Variants in ECE1 observed in about 807,000 individuals in gnomAD.
ECE1 encodes endothelin-converting enzyme 1.
In ECE1, 35 loss-of-function variants were observed where a neutral mutation model predicts 98.6. The ratio of observed to expected loss-of-function variants is 0.35; its 90% CI spans 0.27 to 0.47. ECE1 has a LOEUF of 0.47. Among genes scored for constraint, ECE1 ranks in the 20% least tolerant of loss-of-function variants. The probability of loss-of-function intolerance (pLI) is 1.00; values close to 1 mark genes in which losing one functional copy is unlikely to be tolerated. For synonymous variants in ECE1, 394 were observed against 407.1 expected (o/e 0.97, Z 0.39); for missense variants, 814 against 1,025.3 (o/e 0.79, Z 2.81).
At chr1:21,252,410 T>C (rs1352489694) in intron 8 of ECE1, among the ~76,000 whole-genome samples, 4 of 152,228 alleles carry the variant, frequency 2.6e-5, no homozygotes, top group Non-Finnish European at 5.9e-5. Flanking sequence ...AGCTCCATTT[T>C]CCACACCTGC....
intron 2 of ECE1, among the ~76,000 whole-genome samples, chr1:21,284,055 G>A (rs934090752): frequency 6.6e-6 from 1 of 152,188 alleles, no homozygotes; most frequent in African/African-American, 2.4e-5. Flanking sequence ...TGGGTGCAAT[G>A]GAAAGGGCTG....
intron 7 of ECE1, 21 bp from the exon 8 acceptor site, chr1:21,256,159 A>G: frequency 6.3e-7 from 1 of 1,588,132 alleles, no homozygotes; most frequent in Non-Finnish European, 8.6e-7. Context: ...CATACCCCAA[A>G]CTGTCAGTGG....
Position 21,255,950 on chromosome 1 carries a change from C to T in ECE1, c.1017G>A (p.Leu339=), listed in dbSNP as rs1207579740. Residue 339 remains leucine (L), a synonymous_variant, in exon 8 of 19, where the codon CTG becomes CTA. Transcript: ENST00000374893. ...TAGCAGCCGGCGCTCAAGTTACCTG[C>T]AGCTCGGCTGCCGTCACTTTGTGGT... ...LIYHKVTAAE[L]QTLAPAINWL... The T allele has an allele frequency of 1.2e-6, 2 of 1,614,052 alleles. No individual in the cohort carries two copies. The highest frequency in any genetic ancestry group is 2.7e-5 in the African/African-American group (2 of 75,068).
At chr1:21,254,538 T>C (rs1050306215) in intron 8 of ECE1, among the ~76,000 whole-genome samples, 1 of 152,148 alleles carries the variant, frequency 6.6e-6, no homozygotes, top group Non-Finnish European at 1.5e-5. Context: ...CTGGTGGCCA[T>C]GCTGGGCTGA....
chr1:21,283,402 C>G (rs1204966229), intron 2 of ECE1, among the ~76,000 whole-genome samples: 2 of 151,980 alleles, frequency 1.3e-5, no homozygotes, highest in African/African-American at 2.4e-5. Context: ...TCCCGAGTAG[C>G]TGGGATTACA....
rs529404345 is a variant in ECE1, at chr1:21,245,291, G to C, written c.1164-188C>G. 9.8e-5 allele frequency among the ~76,000 whole-genome samples: 15 copies of C among 152,322 alleles called. 1 individual carries two copies. The South Asian group carries it at 3.1e-3, about 32-fold the overall frequency. On this transcript the variant is annotated intron_variant, in intron 9 of 18. Coordinates refer to ENST00000374893, the MANE Select transcript of ECE1 (RefSeq NM_001397.3). ...TGTAAGCTCTTCAAGGGAAAAGCCTGGGTCTTCTACCATAGGAAACGCTTC... is the reference window on the plus strand; with the variant it reads ...TGTAAGCTCTTCAAGGGAAAAGCCTCGGTCTTCTACCATAGGAAACGCTTC...
chr1:21,268,216 T>C (rs2098236315), intron 4 of ECE1, among the ~76,000 whole-genome samples: 1 of 152,122 alleles, frequency 6.6e-6, no homozygotes, highest in African/African-American at 2.4e-5. Flanking sequence ...GGTAGAATAA[T>C]CTGAGCTACA....
Position 21,290,405 on chromosome 1 carries a change from C to T in ECE1, c.10G>A (p.Val4Met), listed in dbSNP as rs1282231771. The part of the protein sequence containing the change: MRG[V>M]WPPPVSALLS... ...AGGGCGGACACCGGGGGCGGCCACA[C>T]GCCCCGCATGCTGTGCCCCAGACGC... The change falls in exon 1 of 19, where the codon GTG (valine) becomes ATG (methionine). Residue 4 changes from valine (V) to methionine (M), a missense_variant. This residue lies in a region of ECE1 where 257 missense variants were observed against 278.9 expected (regional missense o/e 0.92). Transcript: ENST00000374893. This position sits in a 1 kb window ranked among gnomAD's most constrained non-coding sequence, Gnocchi z 7.3. The T allele has an allele frequency of 4.0e-6, 5 of 1,238,222 alleles. No homozygotes were observed. The highest frequency in any genetic ancestry group is 1.6e-5 in the African/African-American group (1 of 64,202). 76.7% of individuals were successfully genotyped at this position (1,238,222 alleles called of 1,614,324 possible). A position where few individuals can be genotyped will look rare whatever the true frequency, so the allele number is the denominator to read the frequency against.
Position 21,220,008 on chromosome 1 carries a change from G to A in ECE1, c.2260C>T (p.Arg754Cys), listed in dbSNP as rs3026906. 584 of 1,614,104 alleles carry A rather than the reference G, an allele frequency of 3.6e-4. No homozygotes were observed. Among genetic ancestry groups the A allele is most frequent in the Admixed American group, 8.2e-4 (49 of 60,000 alleles). The stretch of plus-strand genomic sequence containing the variant: ...TTCATGGGTGAGCCAGGTGGGCAGC[G>A]GAAGTGTTCTGAGAACTCCTTGGAA... ...SNSKEFSEHFRCPPGSPMNPP... is the reference protein window; with the variant it reads ...SNSKEFSEHFCCPPGSPMNPP... Residue 754 changes from arginine to cysteine, a missense_variant, in exon 19 of 19, where the codon CGC (arginine) becomes TGC (cysteine). Around this residue, in one of 3 missense-constraint regions of ECE1, gnomAD observed 452 missense variants for 567.3 expected, o/e 0.80. Transcript: ENST00000374893. This position sits in a 1 kb window ranked among gnomAD's most constrained non-coding sequence, Gnocchi z 5.0.
At chr1:21,324,443 C>T (rs982661654) in intron 1 of ECE1, among the ~76,000 whole-genome samples, 9 of 152,224 alleles carry the variant, frequency 5.9e-5, no homozygotes, top group South Asian at 2.1e-4. Context: ...GAGACTCCAA[C>T]GGCTGCCACA....
chr1:21,250,112 C>T (rs1197457393), intron 8 of ECE1, among the ~76,000 whole-genome samples: 1 of 151,992 alleles, frequency 6.6e-6, no homozygotes, highest in Admixed American at 6.6e-5. Context: ...TGAGACTCTA[C>T]CCATCAGGCA....
chr1:21,323,819 CTTT>C (rs34050500), intron 1 of ECE1, among the ~76,000 whole-genome samples: 2 of 133,870 alleles, frequency 1.5e-5, no homozygotes, highest in Non-Finnish European at 1.6e-5. Flanking sequence ...AATTTTCTTT[CTTT>C]TTTTTTTTTT....
At chr1:21,229,116 C>T (rs1573934961) in intron 14 of ECE1, among the ~76,000 whole-genome samples, 1 of 152,100 alleles carries the variant, frequency 6.6e-6, no homozygotes, top group African/African-American at 2.4e-5. Flanking sequence ...GTTGGGATTA[C>T]AGGCATGAGC....
chr1:21,342,220 T>C (rs946496720), intron 1 of ECE1, among the ~76,000 whole-genome samples: 48 of 152,240 alleles, frequency 3.2e-4, no homozygotes, highest in African/African-American at 1.1e-3. Flanking sequence ...ATTCTCAAGG[T>C]GCCACAGCTG....
Position 21,279,309 on chromosome 1 carries a change from A to C in ECE1, c.162T>G (p.Ser54Arg), listed in dbSNP as rs1165852404. 1.9e-6 allele frequency: 3 copies of C among 1,613,930 alleles called. No individual in the cohort carries two copies. The highest frequency in any genetic ancestry group is 1.7e-6 in the Non-Finnish European group (2 of 1,179,990). Residue 54 changes from serine to arginine, a missense_variant, in exon 3 of 19, where the codon AGT becomes AGG. Physicochemically the swap from Ser to Arg is moderately radical, Grantham distance 110. Around this residue, in one of 3 missense-constraint regions of ECE1, gnomAD observed 257 missense variants for 278.9 expected, o/e 0.92. Coordinates refer to ENST00000374893, the MANE Select transcript of ECE1 (RefSeq NM_001397.3). ...GLQVNFHSPR[S>R]GQRCWAARTQ... ...TCCGTGCAGCCCAGCACCTCTGGCC[A>C]CTCCGGGGGCTGTGGAAGTTCACCT...
At chr1:21,237,878 T>C (rs1276516731) in intron 11 of ECE1, among the ~76,000 whole-genome samples, 1 of 152,230 alleles carries the variant, frequency 6.6e-6, no homozygotes, top group Admixed American at 6.5e-5. Context: ...TGGGGATGGC[T>C]GTCACAGCCT....
chr1:21,258,600 GC>G lies in ECE1; in HGVS notation c.762+92del. On this transcript the variant is annotated intron_variant, in intron 6 of 18. Coordinates refer to ENST00000374893, the MANE Select transcript of ECE1 (RefSeq NM_001397.3). This position sits in a 1 kb window ranked among gnomAD's most constrained non-coding sequence, Gnocchi z 4.2. The stretch of plus-strand genomic sequence containing the variant: ...CTAGAAGACCGCCGTCCCACCCAGG[GC>G]AAGCCCCTCTCCCACCCCAGGTCCT... 2 of 1,367,540 alleles carry G rather than the reference GC, an allele frequency of 1.5e-6. No individual in the cohort carries two copies. Among genetic ancestry groups the G allele is most frequent in the Non-Finnish European group, 2.0e-6 (2 of 986,630 alleles). 84.7% of individuals were successfully genotyped at this position (1,367,540 alleles called of 1,614,324 possible). A position where few individuals can be genotyped will look rare whatever the true frequency, so the allele number is the denominator to read the frequency against.
intron 14 of ECE1, among the ~76,000 whole-genome samples, chr1:21,231,121 C>T (rs1466999155): frequency 3.3e-5 from 5 of 152,082 alleles, no homozygotes; most frequent in Non-Finnish European, 5.9e-5. Context: ...AGCCACCGCG[C>T]CCAGCAATAA....
chr1:21,237,342 C>A (rs1460519955), intron 11 of ECE1, among the ~76,000 whole-genome samples: 2 of 152,082 alleles, frequency 1.3e-5, no homozygotes, highest in Non-Finnish European at 2.9e-5. Context: ...CATGAGCAGA[C>A]AAGCTCGAAG....
Sources: allele counts gnomAD v4.1 joint callset (sites outside exome capture counted in the v4.1 genomes callset), GRCh38; gene constraint gnomAD v4.1.1; regional missense constraint gnomAD v4.1.1; non-coding constraint Gnocchi (gnomAD v3.1); transcripts MANE v1.5; gene names NCBI Gene and HGNC (gene_info 2026-07-23, HGNC 2026-07-21).